RPS5: variants seen among roughly 807,000 people sequenced by gnomAD.
RPS5 encodes small ribosomal subunit protein uS7.
Under a neutral mutation model 20.9 loss-of-function variants are expected in RPS5, and 2 were observed. The observed-to-expected ratio is 0.10, with a 90% confidence interval of 0.04 to 0.30. The LOEUF (loss-of-function observed/expected upper bound fraction) is 0.30, where lower values mean the gene tolerates loss of function less well. Ranked by LOEUF, RPS5 falls within the 10% of genes least tolerant of loss-of-function variation. RPS5 has a pLI of 1.00. For synonymous variants in RPS5, 112 were observed against 105.8 expected (o/e 1.06, Z -0.36); for missense variants, 122 against 287.2 (o/e 0.42, Z 4.16).
chr19:58,388,132 C>G lies in RPS5; in HGVS notation c.-1-5C>G. The G allele has an allele frequency of 6.2e-7, 1 of 1,604,000 alleles. No individual in the cohort carries two copies. ...CGTTTTTTTCCTGTCATCACCCTGT[C>G]CCAGGATGACCGAGTGGGAGACAGC... On this transcript the variant is annotated splice_polypyrimidine_tract_variant and splice_region_variant and intron_variant, in intron 1 of 5. Coordinates refer to ENST00000196551, the MANE Select transcript of RPS5 (RefSeq NM_001009.4).
intron 1 of RPS5, chr19:58,387,753 C>T: frequency 4.0e-6 from 1 of 252,388 alleles, no homozygotes; most frequent in Non-Finnish European, 7.9e-6. Context: ...TCCCGCCTCA[C>T]GGCCAAAGAA....
rs1354934967 is a variant in RPS5 at position 58,393,340 on chromosome 19, A to C, written c.319-19A>C. ...ATGCATGGGGCTGGATGTCAGGCTC[A>C]TATCCCCCTTCTCTCTAGAACCCTC... On this transcript the variant is annotated intron_variant, in intron 3 of 5. Transcript: ENST00000196551. 10 of 1,612,854 alleles carry C rather than the reference A, an allele frequency of 6.2e-6. No individual in the cohort carries two copies. The highest frequency in any genetic ancestry group is 7.6e-6 in the Non-Finnish European group (9 of 1,179,104).
intron 2 of RPS5, among the ~76,000 whole-genome samples, chr19:58,389,487 A>T (rs1235223647): frequency 6.6e-6 from 1 of 152,190 alleles, no homozygotes; most frequent in African/African-American, 2.4e-5. Flanking sequence ...TAAAGATGTC[A>T]GGGGACTTAG....
In RPS5 at chr19:58,387,871, A is replaced by G. The variant is rs78541554; in HGVS notation, c.-1-266A>G. On this transcript the variant is annotated intron_variant, in intron 1 of 5. Coordinates refer to ENST00000196551, the MANE Select transcript of RPS5 (RefSeq NM_001009.4). ...GAGGACGTATGGCATCTGCTGAGCCATTATACCTTGGTCCCAGTGCAGCAG... is the reference window on the plus strand; with the variant it reads ...GAGGACGTATGGCATCTGCTGAGCCGTTATACCTTGGTCCCAGTGCAGCAG... The G allele has an allele frequency of 3.5e-3, 1,760 of 503,580 alleles. 1 individual carries two copies. Among genetic ancestry groups the G allele is most frequent in the Non-Finnish European group, 5.0e-3 (1,390 of 278,404 alleles). 31.2% of individuals were successfully genotyped at this position (503,580 alleles called of 1,614,324 possible).
rs116550221 is a variant in RPS5, at chr19:58,387,594, C to T, written c.-2+255C>T. 884 of 153,050 alleles carry T rather than the reference C, an allele frequency of 5.8e-3. 9 individuals carry two copies. Among genetic ancestry groups the T allele is most frequent in the Admixed American group, 0.017 (255 of 15,338 alleles). 9.5% of individuals were successfully genotyped at this position (153,050 alleles called of 1,614,324 possible). A position where few individuals can be genotyped will look rare whatever the true frequency, so the allele number is the denominator to read the frequency against. ...ACTCTGAGATAGGAAGTTTCCATTT[C>T]TTAGGGACACGATGCCCTCTTTTGC... is the stretch of plus-strand genomic sequence containing the variant. On this transcript the variant is annotated intron_variant, in intron 1 of 5. Coordinates refer to ENST00000196551, the MANE Select transcript of RPS5 (RefSeq NM_001009.4).
chr19:58,389,927 T>TCTTGTCGCCCAGTCTGGAGTG (rs2052352355), intron 2 of RPS5, among the ~76,000 whole-genome samples: 1 of 152,112 alleles, frequency 6.6e-6, no homozygotes, highest in Non-Finnish European at 1.5e-5. Flanking sequence ...AGAGTTTCGT[T>TCTTGTCGCCCAGTCTGGAGTG]CTTGTCGCCC....
At chr19:58,388,343 A>G (rs916457747) in intron 2 of RPS5, 98 bp downstream of exon 2, 1 of 822,982 alleles carries the variant, frequency 1.2e-6, no homozygotes, top group African/African-American at 1.7e-5. Context: ...AGTCAAGAAT[A>G]GAGATCATAA....
In RPS5 at chr19:58,388,211, C is replaced by G. The variant is rs1362765804; in HGVS notation, c.74C>G (p.Thr25Ser). 1 of 1,612,878 alleles carries G rather than the reference C, an allele frequency of 6.2e-7. No homozygotes were observed. The highest frequency in any genetic ancestry group is 2.2e-5 in the East Asian group (1 of 44,892). The change falls in exon 2 of 6, where the codon ACC (threonine) becomes AGC (serine). Residue 25 changes from threonine (T) to serine (S), a missense_variant. By Grantham distance (58) the Thr-to-Ser change is moderately conservative (BLOSUM62 1). Transcript: ENST00000196551. The part of the protein sequence containing the change: ...PDIKLFGKWS[T>S]DDVQINDISL... ...ATCAAGCTCTTTGGGAAGTGGAGCA[C>G]CGATGATGTGCAGATCAATGACATT...
intron 2 of RPS5, among the ~76,000 whole-genome samples, chr19:58,389,091 T>A (rs1244974902): frequency 6.6e-6 from 1 of 152,142 alleles, no homozygotes; most frequent in Admixed American, 6.6e-5. Flanking sequence ...CACATACCCT[T>A]TTTTTCCCCT....
In RPS5 at chr19:58,394,502, C is replaced by T. The variant is rs1407203417; in HGVS notation, c.453C>T (p.Ile151=). 6.2e-7 allele frequency: 1 copy of T among 1,613,910 alleles called. No individual in the cohort carries two copies. The highest frequency in any genetic ancestry group is 1.3e-5 in the African/African-American group (1 of 74,920). ...GACCCCTGCTGTCTTCCTAGGCCAT[C>T]TGGCTGCTGTGCACAGGCGCTCGTG... ...VSPLRRVNQA[I]WLLCTGAREA... Residue 151 remains isoleucine, a synonymous_variant, in exon 5 of 6, where the codon ATC becomes ATT. Coordinates refer to ENST00000196551, the MANE Select transcript of RPS5 (RefSeq NM_001009.4).
At chr19:58,388,407 C>T (rs2122155561) in intron 2 of RPS5, 162 bp downstream of exon 2, 1 of 619,434 alleles carries the variant, frequency 1.6e-6, no homozygotes, top group South Asian at 1.9e-5. Context: ...GCTCTTACGT[C>T]CTGTTCAAAG....
chr19:58,388,579 G>C, intron 2 of RPS5: 1 of 300,906 alleles, frequency 3.3e-6, no homozygotes, highest in Non-Finnish European at 6.2e-6. Context: ...CTAAAGAGAT[G>C]TTTTTTTTCC....
chr19:58,392,753 G>T (rs550052846), intron 2 of RPS5, among the ~76,000 whole-genome samples: 1 of 151,990 alleles, frequency 6.6e-6, no homozygotes, highest in East Asian at 1.9e-4. Context: ...CTTCCATTAC[G>T]AAGGAAGTGT....
intron 2 of RPS5, among the ~76,000 whole-genome samples, chr19:58,392,273 G>A (rs568106457): frequency 1.3e-5 from 2 of 151,618 alleles, no homozygotes; most frequent in African/African-American, 4.8e-5. Context: ...GCAGTGAGCC[G>A]AGGTTGCGCC....
At chr19:58,394,342 C>T in intron 4 of RPS5, 155 bp from the exon 5 acceptor site, 1 of 641,398 alleles carries the variant, frequency 1.6e-6, no homozygotes, top group Non-Finnish European at 2.8e-6. Context: ...CTCTTGTGAC[C>T]CTCTATCTGA....
chr19:58,392,883 CG>C (rs1238955436), intron 2 of RPS5, 92 bp from the exon 3 acceptor site: 2 of 1,207,968 alleles, frequency 1.7e-6, no homozygotes, highest in African/African-American at 3.0e-5. Context: ...TGGACTACCC[CG>C]AATGGGTACT....
At chr19:58,388,272 C>T (rs769220201) in intron 2 of RPS5, 27 bp downstream of exon 2, 2 of 1,503,796 alleles carry the variant, frequency 1.3e-6, no homozygotes. Flanking sequence ...GATTGGCCTT[C>T]CTGGCTGGGG....
At position 58,393,529 on chromosome 19, in the gene RPS5, A is replaced by G. The variant is rs148276942; in HGVS notation, c.447+42A>G. 1,980 of 1,579,894 alleles carry G rather than the reference A, an allele frequency of 1.3e-3. 28 individuals carry two copies. In the African/African-American group the frequency reaches 0.024, roughly 19 times the overall value. ...TGCACGTGGCAGGGTGGACACAGCC[A>G]CGGGAGTGGGTGGGGTCTTGCCTGG... On this transcript the variant is annotated intron_variant, in intron 4 of 5. Coordinates refer to ENST00000196551, the MANE Select transcript of RPS5 (RefSeq NM_001009.4).
At chr19:58,388,699 G>A (rs957729864) in intron 2 of RPS5, 8 of 338,040 alleles carry the variant, frequency 2.4e-5, no homozygotes, top group Non-Finnish European at 4.1e-5. Context: ...CTGGAGTGCA[G>A]TGACGCGATC....
Sources: allele counts gnomAD v4.1 joint callset (sites outside exome capture counted in the v4.1 genomes callset), GRCh38; gene constraint gnomAD v4.1.1; transcripts MANE v1.5; gene names NCBI Gene and HGNC (gene_info 2026-07-23, HGNC 2026-07-21).